The following XKR9 variants were observed in gnomAD, a reference collection of about 807,000 sequenced individuals.
XKR9 encodes the protein XK-related protein 9.
In XKR9, 32 loss-of-function variants were observed where a neutral mutation model predicts 32.0. The observed-to-expected ratio is 1.00, with a 90% confidence interval of 0.76 to 1.34. The LOEUF (loss-of-function observed/expected upper bound fraction) is 1.34, where lower values mean the gene tolerates loss of function less well. XKR9 is among the 40% of genes most tolerant of loss of function. XKR9 has a pLI of 0.00. For missense variants in XKR9, 546 were observed against 429.7 expected, an observed-to-expected ratio of 1.27 and a Z score of -2.39; for synonymous variants, 168 against 143.4, an observed-to-expected ratio of 1.17 and a Z score of -1.22.
At chr8:70,783,009 A>G (rs912430840) in intron 2 of XKR9, among the ~76,000 whole-genome samples, 6 of 152,188 alleles carry the variant, frequency 3.9e-5, no homozygotes, top group African/African-American at 1.4e-4. Flanking sequence ...GTTTTCCTTA[A>G]TAGCTGTCCT....
At chr8:71,032,301 A>T in the XKR9 span, among the ~76,000 whole-genome samples, 1,098 of 144,400 alleles carry the variant, frequency 7.6e-3, 13 homozygotes, top group African/African-American at 0.023. Flanking sequence ...AAAAAAAAAA[A>T]AAAAAAACCA....
the XKR9 span, among the ~76,000 whole-genome samples, chr8:71,023,828 T>C: frequency 6.6e-6 from 1 of 152,224 alleles, no homozygotes; most frequent in South Asian, 2.1e-4. Flanking sequence ...GGTGGCAGAT[T>C]GGATGGGCCC....
intron 2 of XKR9, among the ~76,000 whole-genome samples, chr8:70,761,114 T>C (rs959290705): frequency 1.3e-5 from 2 of 152,236 alleles, no homozygotes; most frequent in African/African-American, 2.4e-5. Context: ...AGTCGACCAT[T>C]GATGGGCATT....
intron 3 of XKR9, among the ~76,000 whole-genome samples, chr8:70,698,378 T>C (rs1053059977): frequency 6.6e-6 from 1 of 152,194 alleles, no homozygotes; most frequent in African/African-American, 2.4e-5. Flanking sequence ...GATTCTGGTA[T>C]GTTTTGTCTT....
At chr8:71,016,020 G>A in the XKR9 span, among the ~76,000 whole-genome samples, 25 of 152,156 alleles carry the variant, frequency 1.6e-4, no homozygotes, top group Non-Finnish European at 3.2e-4. Flanking sequence ...GCCAAAACCT[G>A]TTGAATACCA....
the XKR9 span, among the ~76,000 whole-genome samples, chr8:70,954,925 A>G: frequency 5.3e-5 from 8 of 152,208 alleles, no homozygotes; most frequent in Admixed American, 2.0e-4. Flanking sequence ...CAAGCTGGGG[A>G]AGACATCAGT....
At chr8:70,770,067 C>T (rs1470066098) in intron 2 of XKR9, among the ~76,000 whole-genome samples, 2 of 152,166 alleles carry the variant, frequency 1.3e-5, no homozygotes, top group African/African-American at 4.8e-5. Flanking sequence ...TTTTCCTCCT[C>T]ATCATGGATT....
At chr8:70,978,144 G>A in the XKR9 span, among the ~76,000 whole-genome samples, 1 of 152,184 alleles carries the variant, frequency 6.6e-6, no homozygotes, top group South Asian at 2.1e-4. Context: ...ACGTGAGATG[G>A]GTCTCCTGAA....
chr8:70,890,125 T>C, the XKR9 span, among the ~76,000 whole-genome samples: 2 of 152,034 alleles, frequency 1.3e-5, no homozygotes, highest in Non-Finnish European at 1.5e-5. Flanking sequence ...CTGAGTGATG[T>C]GAGATGGTCT....
chr8:70,822,655 C>T, the XKR9 span, among the ~76,000 whole-genome samples: 1 of 151,096 alleles, frequency 6.6e-6, no homozygotes, highest in Non-Finnish European at 1.5e-5. Context: ...GAGTGACTGC[C>T]CAGGATATTT....
At chr8:70,740,215 A>G (rs1263813841), downstream of XKR9, among the ~76,000 whole-genome samples, 1 of 151,784 alleles carries the variant, frequency 6.6e-6, no homozygotes, top group Non-Finnish European at 1.5e-5. Context: ...CATTTCATTC[A>G]TTTCATCTTC....
the XKR9 span, among the ~76,000 whole-genome samples, chr8:70,992,421 C>G: frequency 6.6e-6 from 1 of 151,966 alleles, no homozygotes; most frequent in Non-Finnish European, 1.5e-5. Context: ...TGGTGTCCAG[C>G]GACCACTCAC....
the XKR9 span, among the ~76,000 whole-genome samples, chr8:70,826,913 C>T: frequency 6.6e-6 from 1 of 152,004 alleles, no homozygotes; most frequent in Non-Finnish European, 1.5e-5. Flanking sequence ...TGTTTGAAGA[C>T]CATTTTTTAA....
the XKR9 span, among the ~76,000 whole-genome samples, chr8:71,022,932 G>T: frequency 6.6e-6 from 1 of 150,810 alleles, no homozygotes; most frequent in East Asian, 2.0e-4. Flanking sequence ...CAGGTCCACG[G>T]TTTCTGCTTT....
chr8:70,750,630 C>T (rs879114568), intron 2 of XKR9, among the ~76,000 whole-genome samples: 2 of 152,064 alleles, frequency 1.3e-5, no homozygotes, highest in Non-Finnish European at 2.9e-5. Flanking sequence ...AAACAGCTTT[C>T]TTGATATATA....
the XKR9 span, among the ~76,000 whole-genome samples, chr8:70,918,322 T>C: frequency 1.3e-5 from 2 of 152,110 alleles, no homozygotes; most frequent in African/African-American, 4.8e-5. Flanking sequence ...CGGGGAGATC[T>C]GGAGAGGATG....
intron 2 of XKR9, among the ~76,000 whole-genome samples, chr8:70,784,889 GA>G (rs968722072): frequency 4.6e-5 from 7 of 151,382 alleles, no homozygotes; most frequent in South Asian, 2.1e-4. Flanking sequence ...AATTTGGTGA[GA>G]TTTTTTTTTT....
chr8:70,876,595 T>C, the XKR9 span, among the ~76,000 whole-genome samples: 5 of 152,172 alleles, frequency 3.3e-5, no homozygotes, highest in Non-Finnish European at 7.3e-5. Context: ...GTAAACTCCC[T>C]AAAAGAAATA....
At chr8:70,989,209 G>A in the XKR9 span, among the ~76,000 whole-genome samples, 13 of 152,260 alleles carry the variant, frequency 8.5e-5, no homozygotes, top group African/African-American at 3.1e-4. Flanking sequence ...TCTGTTAATA[G>A]CAGTAGCAGA....
Sources: allele counts gnomAD v4.1 joint callset (sites outside exome capture counted in the v4.1 genomes callset), GRCh38; gene constraint gnomAD v4.1.1; transcripts MANE v1.5; gene names NCBI Gene and HGNC (gene_info 2026-07-23, HGNC 2026-07-21).